Variants in AUTS2 observed in about 807,000 individuals in gnomAD.
The protein encoded by AUTS2 is autism susceptibility gene 2 protein.
AUTS2 carries 17 observed loss-of-function variants against 112.4 expected under a neutral mutation model. That is an observed-to-expected ratio of 0.15 (90% CI 0.10 to 0.23). AUTS2 has a LOEUF of 0.23. Ranked by LOEUF, AUTS2 falls within the 10% of genes least tolerant of loss-of-function variation. The pLI is 1.00. For synonymous variants in AUTS2, 751 were observed against 702.7 expected, an observed-to-expected ratio of 1.07 and a Z score of -1.09; for missense variants, 1,510 against 1,701.6, an observed-to-expected ratio of 0.89 and a Z score of 1.98.
intron 1 of AUTS2, among the ~76,000 whole-genome samples, chr7:69,637,463 A>G (rs1055834623): frequency 2.6e-5 from 4 of 152,218 alleles, no homozygotes; most frequent in Non-Finnish European, 5.9e-5. Flanking sequence ...CAGCCTTATA[A>G]TCTTCTGTTC....
intron 13 of AUTS2, chr7:70,776,746 T>C: frequency 2.8e-6 from 1 of 350,998 alleles, no homozygotes; most frequent in South Asian, 2.6e-5. Context: ...ATGGCAACAT[T>C]TGTTAAGTAG....
intron 5 of AUTS2, among the ~76,000 whole-genome samples, chr7:70,600,371 G>A (rs1803415168): frequency 6.6e-6 from 1 of 152,020 alleles, no homozygotes; most frequent in Admixed American, 6.6e-5. Context: ...TTATCTCCTG[G>A]GTCAAGGGAT....
At chr7:70,081,242 A>C (rs1803289831) in intron 2 of AUTS2, among the ~76,000 whole-genome samples, 1 of 152,008 alleles carries the variant, frequency 6.6e-6, no homozygotes, top group South Asian at 2.1e-4. Context: ...ATTTTTTAAA[A>C]CTGGGATTAG....
chr7:70,691,983 C>T (rs188526594), intron 5 of AUTS2, among the ~76,000 whole-genome samples: 22 of 150,166 alleles, frequency 1.5e-4, no homozygotes, highest in Admixed American at 1.4e-3. Context: ...CAGGTTCAAG[C>T]GATTCTCCTG....
At chr7:70,269,535 G>T (rs2129608690) in intron 4 of AUTS2, among the ~76,000 whole-genome samples, 1 of 152,280 alleles carries the variant, frequency 6.6e-6, no homozygotes, top group Admixed American at 6.5e-5. Flanking sequence ...CCTGCTTTCT[G>T]AATGACTTTA....
At chr7:69,788,899 C>G (rs1046750220) in intron 1 of AUTS2, among the ~76,000 whole-genome samples, 1 of 152,122 alleles carries the variant, frequency 6.6e-6, no homozygotes, top group Non-Finnish European at 1.5e-5. Flanking sequence ...TCTGACGCGT[C>G]TAGCACTCTG....
At chr7:70,682,709 A>G (rs1808272159) in intron 5 of AUTS2, among the ~76,000 whole-genome samples, 1 of 152,228 alleles carries the variant, frequency 6.6e-6, no homozygotes, top group Non-Finnish European at 1.5e-5. Flanking sequence ...GAGCCTGGAA[A>G]TACAATGCTG....
chr7:70,308,356 A>AT (rs1413267062), intron 4 of AUTS2, among the ~76,000 whole-genome samples: 1 of 152,246 alleles, frequency 6.6e-6, no homozygotes, highest in Non-Finnish European at 1.5e-5. Context: ...TGGAAGGAAC[A>AT]TACCCAGCTT....
chr7:70,701,730 G>A (rs1166045621), intron 6 of AUTS2, among the ~76,000 whole-genome samples: 1 of 152,152 alleles, frequency 6.6e-6, no homozygotes, highest in Admixed American at 6.5e-5. Flanking sequence ...GCTTAGCGTT[G>A]TAGACACAAA....
At chr7:70,634,189 G>A (rs1458034904) in intron 5 of AUTS2, among the ~76,000 whole-genome samples, 3 of 152,220 alleles carry the variant, frequency 2.0e-5, no homozygotes, top group Non-Finnish European at 4.4e-5. Context: ...CTGTTGGAAG[G>A]GGGTTGGGAG....
chr7:70,634,595 A>G (rs967954322), intron 5 of AUTS2, among the ~76,000 whole-genome samples: 1 of 152,042 alleles, frequency 6.6e-6, no homozygotes, highest in Non-Finnish European at 1.5e-5. Flanking sequence ...CATTCTCTCC[A>G]CACACAAGAT....
At chr7:70,467,764 C>G (rs1020000033) in intron 5 of AUTS2, among the ~76,000 whole-genome samples, 5 of 152,180 alleles carry the variant, frequency 3.3e-5, no homozygotes, top group Admixed American at 1.3e-4. Flanking sequence ...ACAGGCCTGA[C>G]TTTGATGTTT....
intron 6 of AUTS2, among the ~76,000 whole-genome samples, chr7:70,741,228 C>T (rs1047254001): frequency 1.3e-5 from 2 of 151,574 alleles, no homozygotes; most frequent in Non-Finnish European, 2.9e-5. Flanking sequence ...TCTGTTACAA[C>T]GCTACATACA....
intron 1 of AUTS2, among the ~76,000 whole-genome samples, chr7:69,603,041 A>C (rs573994957): frequency 1.3e-5 from 2 of 152,308 alleles, no homozygotes; most frequent in South Asian, 4.1e-4. Context: ...GTGTTTGTAA[A>C]AGTTAAGAAT....
intron 2 of AUTS2, among the ~76,000 whole-genome samples, chr7:70,062,417 G>GCAGGAGAATCGCTTGAACC (rs1802294104): frequency 6.6e-6 from 1 of 151,616 alleles, no homozygotes; most frequent in Admixed American, 6.6e-5. Flanking sequence ...GGAGGCTGAG[G>GCAGGAGAATCGCTTGAACC]CAGGAGAATC....
chr7:70,780,217 A>G (rs899686340), intron 14 of AUTS2, among the ~76,000 whole-genome samples: 4 of 152,072 alleles, frequency 2.6e-5, no homozygotes, highest in Admixed American at 2.0e-4. Flanking sequence ...GTCAAGAAAC[A>G]AGGAGGTGGG....
At chr7:70,785,913 CA>C in intron 16 of AUTS2, 41 bp from the exon 17 acceptor site, 1 of 1,595,936 alleles carries the variant, frequency 6.3e-7, no homozygotes. Context: ...CCTCTCCCAG[CA>C]GAGCCCCTGA....
intron 1 of AUTS2, among the ~76,000 whole-genome samples, chr7:69,861,204 C>T (rs1458165679): frequency 6.6e-6 from 1 of 152,120 alleles, no homozygotes; most frequent in Admixed American, 6.5e-5. Flanking sequence ...CTCCCCTTAC[C>T]CCCTTCAGAA....
rs574838925 is a variant in AUTS2 at position 70,260,015 on chromosome 7, G to C, written c.660+125444G>C. 3.3e-5 allele frequency among the ~76,000 whole-genome samples: 5 copies of C among 152,196 alleles called. No homozygotes were observed. The South Asian group carries it at 1.0e-3, about 32-fold the overall frequency. The stretch of plus-strand genomic sequence containing the variant: ...AAGTTTTAAAATATTTTCTAATAAA[G>C]CTTCTTATTTATTGCCTTAGTACAT... On this transcript the variant is annotated intron_variant, in intron 4 of 18. Coordinates refer to ENST00000342771, the MANE Select transcript of AUTS2 (RefSeq NM_015570.4).
Sources: allele counts gnomAD v4.1 joint callset (sites outside exome capture counted in the v4.1 genomes callset), GRCh38; gene constraint gnomAD v4.1.1; transcripts MANE v1.5; gene names NCBI Gene and HGNC (gene_info 2026-07-23, HGNC 2026-07-21).